GALNT14: variants seen among roughly 807,000 people sequenced by gnomAD.
GALNT14 encodes polypeptide N-acetylgalactosaminyltransferase 14, also known as UDP-GalNAc:polypeptide N-acetylgalactosaminyltransferase 14.
In GALNT14, 60 loss-of-function variants were observed where a neutral mutation model predicts 77.5. The ratio of observed to expected loss-of-function variants is 0.77; its 90% CI spans 0.63 to 0.96. The LOEUF (loss-of-function observed/expected upper bound fraction) is 0.96, where lower values mean the gene tolerates loss of function less well. Among genes scored for constraint, GALNT14 ranks in the 40% least tolerant of loss-of-function variants. GALNT14 has a pLI of 0.00. For synonymous variants in GALNT14, 280 were observed against 281.7 expected (o/e 0.99, Z 0.06); for missense variants, 710 against 731.0 (o/e 0.97, Z 0.33).
chr2:30,976,354 G>A (rs77643762), intron 2 of GALNT14, among the ~76,000 whole-genome samples: 3,582 of 152,246 alleles, frequency 0.024, 142 homozygotes, highest in East Asian at 0.21. Context: ...CCTAGAAATG[G>A]CCATTACTCC....
chr2:31,073,489 G>T (rs942689396), intron 1 of GALNT14, among the ~76,000 whole-genome samples: 2 of 152,098 alleles, frequency 1.3e-5, no homozygotes, highest in Non-Finnish European at 2.9e-5. Context: ...ATAAAGAGGG[G>T]GGGGGAACAG....
Position 31,138,260 on chromosome 2 carries a change from A to G in GALNT14, c.-174T>C. On this transcript the variant is annotated 5_prime_UTR_variant, in exon 1 of 15. Transcript: ENST00000349752. Reference sequence around the variant, plus strand: ...AGGCGCCCTTCCCGCTTCGAAGAGAAGCGAGCCTGGGTGGGGGGTGCAGGG... The same window carrying G: ...AGGCGCCCTTCCCGCTTCGAAGAGAGGCGAGCCTGGGTGGGGGGTGCAGGG... 1.3e-6 allele frequency: 1 copy of G among 786,680 alleles called. No individual in the cohort carries two copies. The highest frequency in any genetic ancestry group is 2.0e-6 in the Non-Finnish European group (1 of 503,648). The allele number at this position is 786,680 out of a possible 1,614,324, so 48.7% of individuals were successfully genotyped here.
intron 7 of GALNT14, 142 bp downstream of exon 7, chr2:30,945,641 G>T: frequency 1.4e-6 from 1 of 691,598 alleles, no homozygotes; most frequent in Non-Finnish European, 2.5e-6. Flanking sequence ...TAAGGGCCAA[G>T]CTAAGGTAAT....
chr2:30,999,336 C>T (rs114168818), intron 1 of GALNT14, among the ~76,000 whole-genome samples: 7,871 of 152,244 alleles, frequency 0.052, 361 homozygotes, highest in Non-Finnish European at 0.06. Flanking sequence ...GTAATATCTC[C>T]CTTTTGGATC....
intron 8 of GALNT14, among the ~76,000 whole-genome samples, chr2:30,943,342 T>G (rs1666495399): frequency 6.6e-6 from 1 of 152,112 alleles, no homozygotes; most frequent in African/African-American, 2.4e-5. Context: ...GCTGGATAGG[T>G]GGGCAAGCCC....
At chr2:30,890,685 G>A in the GALNT14 span, among the ~76,000 whole-genome samples, 4 of 152,128 alleles carry the variant, frequency 2.6e-5, no homozygotes, top group Non-Finnish European at 4.4e-5. Context: ...ATTTCAGTGC[G>A]AAACCTCCCT....
chr2:30,893,651 G>A, the GALNT14 span, among the ~76,000 whole-genome samples: 7 of 152,164 alleles, frequency 4.6e-5, no homozygotes, highest in South Asian at 6.2e-4. Flanking sequence ...TTAAATTGTC[G>A]AGGTAAATGC....
the GALNT14 span, among the ~76,000 whole-genome samples, chr2:30,903,651 C>T: frequency 8.5e-5 from 13 of 152,332 alleles, no homozygotes; most frequent in South Asian, 2.1e-4. Context: ...CCCTGGCCAA[C>T]GCTTTAATGG....
intron 1 of GALNT14, among the ~76,000 whole-genome samples, chr2:31,126,462 C>G (rs1678708546): frequency 1.3e-5 from 2 of 152,230 alleles, no homozygotes; most frequent in Middle Eastern, 6.8e-3. Context: ...TTCCTTAAGC[C>G]TTGGTGTTCG....
intron 13 of GALNT14, among the ~76,000 whole-genome samples, chr2:30,920,630 TACACACACACACACACACACACAC>T (rs140659655): frequency 6.9e-6 from 1 of 145,104 alleles, no homozygotes; most frequent in Non-Finnish European, 1.5e-5. Context: ...GAGTGTATGC[TACACACACACACACACACACACAC>T]ACACACACAT....
Position 30,929,414 on chromosome 2 carries a change from G to C in GALNT14, c.1132C>G (p.Leu378Val). 2 of 1,614,048 alleles carry C rather than the reference G, an allele frequency of 1.2e-6. No homozygotes were observed. Among genetic ancestry groups the C allele is most frequent in the Non-Finnish European group, 8.5e-7 (1 of 1,179,910 alleles). Residue 378 changes from leucine to valine, a missense_variant, in exon 11 of 15, where the codon CTG becomes GTG. Transcript: ENST00000349752. ...ACTTACTTCCCGAAGGGCCTCTCCA[G>C]GGCGAATGGCCGGGCAGCGTAATAG... is the stretch of plus-strand genomic sequence containing the variant. ...QYYYAARPFA[L>V]ERPFGNVESR...
At position 31,071,435 on chromosome 2, in the gene GALNT14, T is replaced by A. The variant is rs183052896; in HGVS notation, c.129+66523A>T. On this transcript the variant is annotated intron_variant, in intron 1 of 14. Coordinates refer to ENST00000349752, the MANE Select transcript of GALNT14 (RefSeq NM_024572.4). The stretch of plus-strand genomic sequence containing the variant: ...TGAGGAGAGCAATTAGGAGCTGAAA[T>A]CAAGGGTGGATGGAAAAACCTCATT... 1.5e-3 allele frequency among the ~76,000 whole-genome samples: 226 copies of A among 152,192 alleles called. 1 individual carries two copies. The highest frequency in any genetic ancestry group is 5.3e-3 in the African/African-American group (220 of 41,530).
intron 1 of GALNT14, among the ~76,000 whole-genome samples, chr2:31,122,982 C>A (rs1386512316): frequency 1.3e-5 from 2 of 152,038 alleles, no homozygotes; most frequent in African/African-American, 4.8e-5. Context: ...GAGATCAAGA[C>A]CATCCTGGCT....
intron 1 of GALNT14, among the ~76,000 whole-genome samples, chr2:31,032,627 C>T (rs1672486776): frequency 6.6e-6 from 1 of 152,190 alleles, no homozygotes; most frequent in Non-Finnish European, 1.5e-5. Context: ...ATTCTGCAAT[C>T]TTCCTGCCAG....
chr2:30,968,330 T>C (rs1184941556), intron 2 of GALNT14, among the ~76,000 whole-genome samples: 1 of 152,250 alleles, frequency 6.6e-6, no homozygotes, highest in Non-Finnish European at 1.5e-5. Context: ...CTTCACTAAC[T>C]GGGTTTTATG....
intron 1 of GALNT14, among the ~76,000 whole-genome samples, chr2:31,032,173 C>T (rs1672456395): frequency 6.6e-6 from 1 of 152,210 alleles, no homozygotes. Flanking sequence ...CAGCCAGGGG[C>T]CTGGGGCAAA....
chr2:30,904,491 C>G, the GALNT14 span, among the ~76,000 whole-genome samples: 1 of 152,224 alleles, frequency 6.6e-6, no homozygotes. Flanking sequence ...CCGAATACTG[C>G]GCTTTTCCGA....
chr2:30,948,348 C>A (rs1343973108), intron 6 of GALNT14, among the ~76,000 whole-genome samples: 1 of 152,198 alleles, frequency 6.6e-6, no homozygotes, highest in Non-Finnish European at 1.5e-5. Flanking sequence ...CTTGGAATGT[C>A]CTGCCTAGAA....
intron 8 of GALNT14, among the ~76,000 whole-genome samples, chr2:30,943,184 C>T (rs915610876): frequency 1.3e-5 from 2 of 152,208 alleles, no homozygotes; most frequent in African/African-American, 4.8e-5. Flanking sequence ...GCTGTTACAG[C>T]AGCCCTAGCA....
Sources: gnomAD v4.1 joint callset for allele counts (sites outside exome capture counted in the v4.1 genomes callset) on GRCh38, gnomAD v4.1.1 for gene constraint, MANE v1.5 for transcripts, NCBI Gene and HGNC (gene_info 2026-07-23, HGNC 2026-07-21) for gene names.